Variants in SLIT3 observed in about 807,000 individuals in gnomAD.
The protein encoded by SLIT3 is slit guidance ligand 3.
A neutral mutation model predicts 184.0 loss-of-function variants in SLIT3; 68 were observed. The ratio of observed to expected loss-of-function variants is 0.37; its 90% CI spans 0.30 to 0.45. SLIT3 has a LOEUF of 0.45. Ranked by LOEUF, SLIT3 falls within the 20% of genes least tolerant of loss-of-function variation. SLIT3 has a pLI of 1.00. For synonymous variants in SLIT3, 831 were observed against 828.6 expected, an observed-to-expected ratio of 1.00 and a Z score of -0.05; for missense variants, 1,707 against 2,026.0, an observed-to-expected ratio of 0.84 and a Z score of 3.02.
intron 5 of SLIT3, among the ~76,000 whole-genome samples, chr5:168,875,632 C>G (rs1324220060): frequency 6.8e-6 from 1 of 147,376 alleles, no homozygotes; most frequent in Admixed American, 6.8e-5. Flanking sequence ...AAAACTCCGC[C>G]TTAAAAAAAG....
intron 4 of SLIT3, among the ~76,000 whole-genome samples, chr5:169,011,441 T>C (rs141210625): frequency 2.2e-4 from 34 of 152,298 alleles, no homozygotes; most frequent in Non-Finnish European, 4.1e-4. Context: ...GACACCCATC[T>C]ACAAATAGGA....
At chr5:169,005,173 G>A (rs1437833513) in intron 4 of SLIT3, among the ~76,000 whole-genome samples, 1 of 152,190 alleles carries the variant, frequency 6.6e-6, no homozygotes, top group Non-Finnish European at 1.5e-5. Flanking sequence ...ATGGAACAGT[G>A]TAAGCATAAC....
chr5:168,934,324 C>T (rs1415905205), intron 4 of SLIT3, among the ~76,000 whole-genome samples: 1 of 152,204 alleles, frequency 6.6e-6, no homozygotes, highest in Non-Finnish European at 1.5e-5. Context: ...TTCCTCTTTG[C>T]TGGTTGAGAT....
intron 4 of SLIT3, among the ~76,000 whole-genome samples, chr5:169,055,602 G>A (rs910280178): frequency 1.6e-4 from 25 of 152,222 alleles, no homozygotes; most frequent in Non-Finnish European, 3.1e-4. Context: ...AGCACTTTGG[G>A]AGGCCAAGGC....
chr5:169,173,215 C>A (rs142393717), intron 4 of SLIT3, among the ~76,000 whole-genome samples: 1 of 152,076 alleles, frequency 6.6e-6, no homozygotes, highest in African/African-American at 2.4e-5. Context: ...GAGCCAAGAT[C>A]GCGTCTTTGC....
At chr5:169,227,847 G>A (rs1764865667) in intron 3 of SLIT3, among the ~76,000 whole-genome samples, 1 of 152,242 alleles carries the variant, frequency 6.6e-6, no homozygotes, top group Non-Finnish European at 1.5e-5. Flanking sequence ...AGCTGGCAGA[G>A]GAGGAGCTGA....
chr5:168,768,471 G>A (rs1269017561), intron 14 of SLIT3, among the ~76,000 whole-genome samples: 3 of 152,130 alleles, frequency 2.0e-5, no homozygotes, highest in African/African-American at 4.8e-5. Context: ...GGAAATCACT[G>A]GATGCCCATA....
chr5:169,096,053 G>A (rs1054038521), intron 4 of SLIT3, among the ~76,000 whole-genome samples: 3 of 152,052 alleles, frequency 2.0e-5, no homozygotes, highest in East Asian at 3.9e-4. Context: ...TTTTTCCAGC[G>A]TCCCTTCTAT....
intron 4 of SLIT3, chr5:169,012,698 CAGATATCTTCA>C (rs1446076973): frequency 6.6e-6 from 1 of 152,220 alleles, no homozygotes; most frequent in African/African-American, 2.4e-5. Flanking sequence ...TTGCCCATAT[CAGATATCTTCA>C]GAAATCACTT....
intron 4 of SLIT3, among the ~76,000 whole-genome samples, chr5:168,978,122 G>T (rs560607208): frequency 1.3e-5 from 2 of 152,280 alleles, no homozygotes; most frequent in Admixed American, 6.5e-5. Context: ...GTTGCCTAGG[G>T]TCAGGCACCC....
intron 4 of SLIT3, among the ~76,000 whole-genome samples, chr5:169,065,828 T>G (rs918322589): frequency 7.9e-5 from 12 of 152,248 alleles, no homozygotes; most frequent in Non-Finnish European, 1.3e-4. Context: ...GGGAGACCTT[T>G]ATGATTCCAT....
rs766415643 is a variant in SLIT3, at chr5:168,772,819, C to G, written c.1421G>C (p.Arg474Pro). 6.2e-7 allele frequency: 1 copy of G among 1,613,984 alleles called. No homozygotes were observed. Among genetic ancestry groups the G allele is most frequent in the Non-Finnish European group, 8.5e-7 (1 of 1,180,042 alleles). ...CTTCTTGCTCTTGATCTGGCTGATG[C>G]GCTTGTTGGCGAGTCGGCGCGGGCT... ...CSSPRRLANK[R>P]ISQIKSKKFR... is the part of the protein sequence containing the mutation. Residue 474 changes from arginine to proline, a missense_variant, in exon 14 of 36, where the codon CGC becomes CCC. Around this residue, in one of 3 missense-constraint regions of SLIT3, gnomAD observed 1,307 missense variants for 1,511.6 expected, o/e 0.86. Coordinates refer to ENST00000519560, the MANE Select transcript of SLIT3 (RefSeq NM_003062.4).
chr5:168,829,045 G>T (rs992141512), intron 6 of SLIT3, among the ~76,000 whole-genome samples: 1 of 152,112 alleles, frequency 6.6e-6, no homozygotes, highest in Non-Finnish European at 1.5e-5. Context: ...TCTGCCCCTG[G>T]CTTCCACTGT....
intron 27 of SLIT3, 109 bp downstream of exon 27, chr5:168,700,473 G>A: frequency 1.3e-6 from 1 of 769,370 alleles, no homozygotes; most frequent in South Asian, 1.6e-5. Flanking sequence ...GCTGAACTGT[G>A]AGTCCTTTAA....
At chr5:169,272,855 C>T (rs571779181) in intron 1 of SLIT3, among the ~76,000 whole-genome samples, 21 of 152,300 alleles carry the variant, frequency 1.4e-4, no homozygotes, top group Middle Eastern at 3.4e-3. Flanking sequence ...AGTGCACACG[C>T]GCAAGCACCA....
intron 20 of SLIT3, among the ~76,000 whole-genome samples, chr5:168,746,755 TGGC>T (rs1369186017): frequency 1.3e-4 from 7 of 51,900 alleles, no homozygotes; most frequent in Admixed American, 2.8e-4. Context: ...GGTGTGGGTG[TGGC>T]GGTGTGTGGT....
chr5:168,818,390 C>T lies in SLIT3; in HGVS notation c.630-927G>A, dbSNP rs62378504. On this transcript the variant is annotated intron_variant, in intron 7 of 35. Coordinates refer to ENST00000519560, the MANE Select transcript of SLIT3 (RefSeq NM_003062.4). ...AGTGACTTGAACTTCCTTTCCACTA[C>T]CAGGGAGGCAAACTAAGGATATCCA... 9.9e-3 allele frequency among the ~76,000 whole-genome samples: 1,500 copies of T among 152,248 alleles called. 17 individuals are homozygous for T. Among genetic ancestry groups the T allele is most frequent in the Non-Finnish European group, 0.016 (1,104 of 68,014 alleles).
At chr5:169,207,370 TAC>T (rs56721949) in intron 3 of SLIT3, among the ~76,000 whole-genome samples, 26,668 of 131,274 alleles carry the variant, frequency 0.2, 2,576 homozygotes, top group Middle Eastern at 0.31. Context: ...TACACATACA[TAC>T]ACACACACAC....
chr5:169,174,222 T>C (rs1397898374), intron 4 of SLIT3, among the ~76,000 whole-genome samples: 1 of 152,176 alleles, frequency 6.6e-6, no homozygotes, highest in Non-Finnish European at 1.5e-5. Context: ...TTGTTGCTTG[T>C]TGGTTCATTT....
Sources: allele counts gnomAD v4.1 joint callset (sites outside exome capture counted in the v4.1 genomes callset), GRCh38; gene constraint gnomAD v4.1.1; regional missense constraint gnomAD v4.1.1; transcripts MANE v1.5; gene names NCBI Gene and HGNC (gene_info 2026-07-23, HGNC 2026-07-21).